The following ZNF433 variants were observed in gnomAD, a reference collection of about 807,000 sequenced individuals.
ZNF433 encodes zinc finger protein 433.
Under a neutral mutation model 10.6 loss-of-function variants are expected in ZNF433, and 12 were observed. The observed-to-expected ratio is 1.13, with a 90% CI of 0.72 to 1.83. ZNF433 has a LOEUF of 1.83. ZNF433 is among the 40% of genes most tolerant of loss of function. The probability of loss-of-function intolerance (pLI) is 0.00; values close to 1 mark genes in which losing one functional copy is unlikely to be tolerated. For missense variants in ZNF433, 737 were observed against 798.0 expected (o/e 0.92, Z 0.92); for synonymous variants, 272 against 271.3 (o/e 1.00, Z -0.02).
At position 12,017,950 on chromosome 19, in the gene ZNF433, C is replaced by T; in HGVS notation, c.131-14G>A. On this transcript the variant is annotated splice_polypyrimidine_tract_variant and intron_variant, in intron 2 of 3. Transcript: ENST00000550507. ...TCCATTTTTTCCCTACAACACACAA[C>T]AAGGAAAATAATCTTGAATTAGTAT... The T allele has an allele frequency of 3.2e-6, 5 of 1,555,492 alleles. No homozygotes were observed. Among genetic ancestry groups the T allele is most frequent in the Non-Finnish European group, 3.5e-6 (4 of 1,151,366 alleles).
At chr19:12,035,317 G>A (rs1238254739) in intron 1 of ZNF433, among the ~76,000 whole-genome samples, 1 of 152,184 alleles carries the variant, frequency 6.6e-6, no homozygotes, top group Non-Finnish European at 1.5e-5. Flanking sequence ...TGGGAACTGG[G>A]TGACAGTCAC....
chr19:12,021,951 A>G (rs1461985092), intron 1 of ZNF433: 1 of 456,978 alleles, frequency 2.2e-6, no homozygotes, highest in African/African-American at 2.0e-5. Flanking sequence ...ATGATGCAGG[A>G]TGCCTGGCGG....
At chr19:12,025,856 A>G (rs897571562) in intron 1 of ZNF433, 1 of 152,242 alleles carries the variant, frequency 6.6e-6, no homozygotes, top group African/African-American at 2.4e-5. Flanking sequence ...TTTTCTCCAT[A>G]TGGAATATTA....
chr19:12,030,226 AT>A (rs745891416), intron 1 of ZNF433: 7 of 427,338 alleles, frequency 1.6e-5, no homozygotes, highest in Non-Finnish European at 2.8e-5. Context: ...TTATTTTTTT[AT>A]TTTTTTATTT....
intron 1 of ZNF433, chr19:12,034,737 T>C (rs1398181067): frequency 1.1e-5 from 5 of 450,368 alleles, no homozygotes; most frequent in South Asian, 4.7e-5. Context: ...CTTCACACTC[T>C]CCACCAACGG....
Position 12,035,475 on chromosome 19 carries a change from C to G in ZNF433, c.3+62G>C, listed in dbSNP as rs369714630. 9.9e-5 allele frequency: 153 copies of G among 1,551,236 alleles called. 3 individuals carry two copies. The African/African-American group carries it at 1.6e-3, about 16-fold the overall frequency. ...GGGGAGGCCCGGGTCCCACCACAGC[C>G]GGTTCCGGCCGGTTCCAACCAGCTC... On this transcript the variant is annotated intron_variant, in intron 1 of 3. Coordinates refer to ENST00000550507, the MANE Select transcript of ZNF433 (RefSeq NM_001308348.2).
chr19:12,016,080 A>T lies in ZNF433; in HGVS notation c.778T>A (p.Phe260Ile). 1 of 1,614,148 alleles carries T rather than the reference A, an allele frequency of 6.2e-7. No homozygotes were observed. Among genetic ancestry groups the T allele is most frequent in the Non-Finnish European group, 8.5e-7 (1 of 1,180,032 alleles). Reference protein sequence around the residue: ...PYKCNECGKAFHSSTCLHAHK... With the variant: ...PYKCNECGKAIHSSTCLHAHK... ...GCATGAAGGCATGTGGAACTATGGA[A>T]TGCTTTCCCACATTCATTACATTTA... is the stretch of plus-strand genomic sequence containing the variant. Residue 260 changes from phenylalanine (F) to isoleucine (I), a missense_variant, in exon 4 of 4, where the codon TTC (phenylalanine) becomes ATC (isoleucine). Transcript: ENST00000550507.
chr19:12,014,735 TTTTA>T lies in ZNF433; in HGVS notation c.*106_*109del, dbSNP rs1004126248. ...TGCCATTACCACCAACTGGAAGTCT[TTTTA>T]TTTATTTATTTAATTTTTATAACAG... On this transcript the variant is annotated 3_prime_UTR_variant, in exon 4 of 4. Transcript: ENST00000550507. 48 of 829,950 alleles carry T rather than the reference TTTTA, an allele frequency of 5.8e-5. No individual in the cohort carries two copies. The South Asian group carries it at 7.9e-4, about 14-fold the overall frequency. 51.4% of individuals were successfully genotyped at this position (829,950 alleles called of 1,614,324 possible).
chr19:12,016,070 G>A lies in ZNF433; in HGVS notation c.788C>T (p.Ser263Phe). The A allele has an allele frequency of 6.2e-7, 1 of 1,614,058 alleles. No individual in the cohort carries two copies. Among genetic ancestry groups the A allele is most frequent in the Non-Finnish European group, 8.5e-7 (1 of 1,180,022 alleles). The change falls in exon 4 of 4, where the codon TCC (serine) becomes TTC (phenylalanine). Residue 263 changes from serine to phenylalanine, a missense_variant. Transcript: ENST00000550507. Reference sequence around the variant, plus strand: ...TCTTTTATGAGCATGAAGGCATGTGGAACTATGGAATGCTTTCCCACATTC... The same window carrying A: ...TCTTTTATGAGCATGAAGGCATGTGAAACTATGGAATGCTTTCCCACATTC... ...CNECGKAFHS[S>F]TCLHAHKRTH...
At chr19:12,034,671 AC>A in intron 1 of ZNF433, 1 of 378,864 alleles carries the variant, frequency 2.6e-6, no homozygotes, top group South Asian at 1.9e-5. Flanking sequence ...TATGACAGAT[AC>A]CAGACCCTCT....
rs1272889925 is a variant in ZNF433 at position 12,016,491 on chromosome 19, C to A, written c.367G>T (p.Asp123Tyr). Reference protein sequence around the residue: ...HSSLNRHIRDDTGHKAYEYQE... With the variant: ...HSSLNRHIRDYTGHKAYEYQE... ...TACTCATATGCCTTGTGTCCAGTGTCATCTCTGATGTGCCTATTAAGAGAT... is the reference window on the plus strand; with the variant it reads ...TACTCATATGCCTTGTGTCCAGTGTAATCTCTGATGTGCCTATTAAGAGAT... The change falls in exon 4 of 4, where the codon GAC (aspartate) becomes TAC (tyrosine). Residue 123 changes from aspartate (D) to tyrosine (Y), a missense_variant. Transcript: ENST00000550507. The A allele has an allele frequency of 6.2e-7, 1 of 1,614,016 alleles. No homozygotes were observed. The highest frequency in any genetic ancestry group is 1.3e-5 in the African/African-American group (1 of 74,926).
At chr19:12,030,848 G>A (rs1974983177) in intron 1 of ZNF433, among the ~76,000 whole-genome samples, 1 of 152,124 alleles carries the variant, frequency 6.6e-6, no homozygotes, top group African/African-American at 2.4e-5. Flanking sequence ...GGAGGTGGAG[G>A]CAGGATTACT....
rs1424878891 is a variant in ZNF433, at chr19:12,018,496, G to A, written c.4-204C>T. ...AACTGAACCATGTGGTAAAGCAACAGTAGAATAGGAAAATGTGTATTTTTG... is the reference window on the plus strand; with the variant it reads ...AACTGAACCATGTGGTAAAGCAACAATAGAATAGGAAAATGTGTATTTTTG... On this transcript the variant is annotated intron_variant, in intron 1 of 3. Transcript: ENST00000550507. 2.8e-5 allele frequency: 13 copies of A among 470,182 alleles called. No homozygotes were observed. In the East Asian group the frequency reaches 4.5e-4, roughly 16 times the overall value. 29.1% of individuals were successfully genotyped at this position (470,182 alleles called of 1,614,324 possible).
rs572893147 is a variant in ZNF433 at position 12,015,978 on chromosome 19, A to G, written c.880T>C (p.Phe294Leu). Residue 294 changes from phenylalanine (F) to leucine (L), a missense_variant, in exon 4 of 4, where the codon TTT becomes CTT. Transcript: ENST00000550507. ...GTGTGAGTTCTTTCATGTATTTGAA[A>G]GGAATGGGAAGAGCTGAAGGCTTTC... is the stretch of plus-strand genomic sequence containing the variant. ...CGKAFSSSHS[F>L]QIHERTHTGE... 6.2e-7 allele frequency: 1 copy of G among 1,613,586 alleles called. No individual in the cohort carries two copies. The highest frequency in any genetic ancestry group is 8.5e-7 in the Non-Finnish European group (1 of 1,179,782).
intron 3 of ZNF433, among the ~76,000 whole-genome samples, chr19:12,017,213 G>GT (rs1018753649): frequency 1.3e-5 from 2 of 150,326 alleles, no homozygotes; most frequent in Non-Finnish European, 3.0e-5. Flanking sequence ...GTTTTGTTTT[G>GT]TTTTTTTGAG....
At chr19:12,020,420 G>A (rs1037027324) in intron 1 of ZNF433, among the ~76,000 whole-genome samples, 17 of 152,094 alleles carry the variant, frequency 1.1e-4, no homozygotes, top group Non-Finnish European at 2.4e-4. Context: ...TGGTTATTGA[G>A]CACTTTCTCT....
rs1183373155 is a variant in ZNF433 at position 12,014,858 on chromosome 19, A to G, written c.2000T>C (p.Ile667Thr). ...QLQVHGRAHC[I>T]DTP ...TAAAGCCTGGGGTTATGGGGTGTCT[A>G]TGCAGTGAGCCCTTCCATGCACTTG... Residue 667 changes from isoleucine (I) to threonine (T), a missense_variant, in exon 4 of 4, where the codon ATA (isoleucine) becomes ACA (threonine). Ile to Thr is a moderately conservative substitution (Grantham distance 89). Coordinates refer to ENST00000550507, the MANE Select transcript of ZNF433 (RefSeq NM_001308348.2). The G allele has an allele frequency of 3.2e-6, 5 of 1,580,730 alleles. No homozygotes were observed. The highest frequency in any genetic ancestry group is 1.2e-5 in the South Asian group (1 of 85,612).
At chr19:12,034,635 CT>C (rs1568344490) in intron 1 of ZNF433, 1 of 311,192 alleles carries the variant, frequency 3.2e-6, no homozygotes, top group East Asian at 7.9e-5. Context: ...AGAAACAGGT[CT>C]TTTGTTTTGG....
intron 1 of ZNF433, among the ~76,000 whole-genome samples, chr19:12,031,466 A>G (rs1193036945): frequency 6.6e-6 from 1 of 152,066 alleles, no homozygotes; most frequent in Admixed American, 6.6e-5. Flanking sequence ...CCTAGCCAGC[A>G]TGGCGAAACC....
Sources: allele counts gnomAD v4.1 joint callset (sites outside exome capture counted in the v4.1 genomes callset), GRCh38; gene constraint gnomAD v4.1.1; transcripts MANE v1.5; gene names NCBI Gene and HGNC (gene_info 2026-07-23, HGNC 2026-07-21).